The following SHTN1 variants were observed in gnomAD, a reference collection of about 807,000 sequenced individuals.
The protein encoded by SHTN1 is shootin 1, also known as shootin-1.
SHTN1 carries 42 observed loss-of-function variants against 83.1 expected under a neutral mutation model. The ratio of observed to expected loss-of-function variants is 0.51; its 90% CI spans 0.39 to 0.65. The LOEUF is 0.65. SHTN1 is among the 30% of genes least tolerant of loss of function. The pLI, the probability that SHTN1 is intolerant of heterozygous loss-of-function variation, is 0.00. For synonymous variants in SHTN1, 224 were observed against 247.7 expected, an observed-to-expected ratio of 0.90 and a Z score of 0.90; for missense variants, 622 against 737.8, an observed-to-expected ratio of 0.84 and a Z score of 1.82.
rs138899363 is a variant in SHTN1 at position 116,968,296 on chromosome 10, C to T, written c.172+356G>A. ...AGACTGCAAAACTGAATTTAAAACA[C>T]GATTACATTTTTTACTACACAAATA... On this transcript the variant is annotated intron_variant, in intron 3 of 16. Transcript: ENST00000355371. Among the ~76,000 whole-genome samples the T allele has an allele frequency of 1.7e-3, 253 of 152,254 alleles. 2 individuals are homozygous for T. The highest frequency in any genetic ancestry group is 2.9e-3 in the Admixed American group (45 of 15,284).
At chr10:116,900,619 T>A (rs1459736247) in intron 16 of SHTN1, 1 of 1,526,450 alleles carries the variant, frequency 6.6e-7, no homozygotes, top group African/African-American at 1.4e-5. Context: ...CTCAGCCAAA[T>A]TGCTTTTGTG....
intron 12 of SHTN1, 26 bp downstream of exon 12, chr10:116,921,408 C>T (rs370411664): frequency 6.4e-7 from 1 of 1,563,726 alleles, no homozygotes; most frequent in Non-Finnish European, 8.8e-7. Context: ...CCATCAACCA[C>T]TTACACCAAT....
intron 2 of SHTN1, among the ~76,000 whole-genome samples, chr10:116,971,291 G>A (rs1360930285): frequency 1.3e-5 from 2 of 152,112 alleles, no homozygotes; most frequent in East Asian, 3.8e-4. Context: ...CTTTGATTAA[G>A]GTTTCCCGTG....
intron 1 of SHTN1, among the ~76,000 whole-genome samples, chr10:117,094,536 TG>T (rs1853480066): frequency 6.6e-6 from 1 of 152,176 alleles, no homozygotes; most frequent in African/African-American, 2.4e-5. Flanking sequence ...TTAGAACACT[TG>T]GGTCAGTTGT....
chr10:116,911,576 C>T (rs1012897650), intron 14 of SHTN1: 1 of 1,550,874 alleles, frequency 6.4e-7, no homozygotes, highest in Non-Finnish European at 8.7e-7. Context: ...AGTGTAACCA[C>T]TCTTTTAGAA....
At chr10:117,059,038 G>T (rs7094283) in intron 1 of SHTN1, among the ~76,000 whole-genome samples, 96,904 of 152,002 alleles carry the variant, frequency 0.64, 35,447 homozygotes, top group Middle Eastern at 0.84. Context: ...AAGCTGAAAA[G>T]AGTTATAGAA....
chr10:117,091,861 C>G (rs1853434976), intron 1 of SHTN1, among the ~76,000 whole-genome samples: 1 of 152,128 alleles, frequency 6.6e-6, no homozygotes, highest in African/African-American at 2.4e-5. Flanking sequence ...GAGCCTAGTT[C>G]CCTTACTACA....
chr10:117,091,951 G>GA, intron 1 of SHTN1, among the ~76,000 whole-genome samples: 1 of 152,314 alleles, frequency 6.6e-6, no homozygotes. Context: ...ACTGCCATGT[G>GA]TCAAGTGATC....
intron 2 of SHTN1, among the ~76,000 whole-genome samples, chr10:116,972,839 G>C (rs1850665807): frequency 6.6e-6 from 1 of 152,194 alleles, no homozygotes; most frequent in South Asian, 2.1e-4. Context: ...ATCGACTCTA[G>C]AGTCTCTATT....
chr10:117,067,733 GAAAAA>G (rs1049925290), intron 1 of SHTN1, among the ~76,000 whole-genome samples: 1 of 152,134 alleles, frequency 6.6e-6, no homozygotes, highest in African/African-American at 2.4e-5. Context: ...CAATCCAAGG[GAAAAA>G]TGACTTAAAC....
chr10:116,944,819 A>G, intron 8 of SHTN1, 105 bp downstream of exon 8: 1 of 722,020 alleles, frequency 1.4e-6, no homozygotes, highest in South Asian at 1.6e-5. Context: ...TGAATCAGGG[A>G]GTCGGAGGTT....
intron 2 of SHTN1, among the ~76,000 whole-genome samples, chr10:117,015,262 C>G (rs1395195558): frequency 6.6e-6 from 1 of 152,152 alleles, no homozygotes; most frequent in African/African-American, 2.4e-5. Flanking sequence ...TGGACTCTGG[C>G]TCTGCTGACA....
In SHTN1 at chr10:117,053,019, C is replaced by CAAAAAAAAAA. The variant is rs57069034; in HGVS notation, c.-188-4519_-188-4510dup. Among the ~76,000 whole-genome samples, 55 of 11,478 alleles carry CAAAAAAAAAA rather than the reference C, an allele frequency of 4.8e-3. 16 individuals are homozygous for CAAAAAAAAAA. Among genetic ancestry groups the CAAAAAAAAAA allele is most frequent in the Non-Finnish European group, 0.026 (42 of 1,634 alleles). 7.5% of individuals were successfully genotyped at this position (11,478 alleles called of 152,430 possible). A position where few individuals can be genotyped will look rare whatever the true frequency, so the allele number is the denominator to read the frequency against. On this transcript the variant is annotated intron_variant, in intron 1 of 17. Transcript: ENST00000392901. Reference sequence around the variant, plus strand: ...TGGGCAACAGAGCAAGACTGTGTCTCAAAAAAAAAAAGAATTAAGAATTAA... The same window carrying CAAAAAAAAAA: ...TGGGCAACAGAGCAAGACTGTGTCTCAAAAAAAAAAAAAAAAAAAAAGAATTAAGAATTAA...
In SHTN1 at chr10:116,906,669, T is replaced by G. The variant is rs1847983120; in HGVS notation, c.1438A>C (p.Ile480Leu). The change falls in exon 15 of 17, where the codon ATT becomes CTT. Residue 480 changes from isoleucine (I) to leucine (L), a missense_variant. Physicochemically the swap from Ile to Leu is conservative, Grantham distance 5. Transcript: ENST00000355371. ...PENSETELER[I>L]LRRRKVTAEA... ...GCTGTCACCTTTCTGCGACGCAAAA[T>G]CCTTTCTAACTCAGTTTCACTGTTT... The G allele has an allele frequency of 6.2e-7, 1 of 1,613,512 alleles. No individual in the cohort carries two copies. Among genetic ancestry groups the G allele is most frequent in the Non-Finnish European group, 8.5e-7 (1 of 1,179,672 alleles).
chr10:117,036,828 A>AC (rs1852504795), intron 2 of SHTN1, among the ~76,000 whole-genome samples: 1 of 152,176 alleles, frequency 6.6e-6, no homozygotes, highest in East Asian at 1.9e-4. Flanking sequence ...GGGGATGGAT[A>AC]CCCCATGTTA....
chr10:117,048,981 G>A lies in SHTN1; in HGVS notation c.-188-471C>T, dbSNP rs545621537. Among the ~76,000 whole-genome samples the A allele has an allele frequency of 1.4e-4, 22 of 152,196 alleles. No homozygotes were observed. The Middle Eastern group carries it at 0.02, about 141-fold the overall frequency. ...AACTGGGCAAGTAACCTAGCCTTTC[G>A]GAGTCTCAATTGGTTCATCTGTCAA... On this transcript the variant is annotated intron_variant, in intron 1 of 17. Transcript: ENST00000392901.
intron 16 of SHTN1, among the ~76,000 whole-genome samples, chr10:116,898,218 C>T (rs920395793): frequency 2.6e-5 from 4 of 151,852 alleles, no homozygotes; most frequent in African/African-American, 9.7e-5. Flanking sequence ...ATCACAGCTA[C>T]TCGGGAGGCT....
intron 6 of SHTN1, among the ~76,000 whole-genome samples, chr10:116,950,617 CA>C (rs1849742656): frequency 6.6e-6 from 1 of 152,160 alleles, no homozygotes; most frequent in Non-Finnish European, 1.5e-5. Context: ...CACTAAGAAA[CA>C]AAGATAATGG....
At chr10:117,065,806 A>G (rs1318335921) in intron 1 of SHTN1, among the ~76,000 whole-genome samples, 34 of 57,046 alleles carry the variant, frequency 6.0e-4, no homozygotes, top group Non-Finnish European at 7.3e-4. Flanking sequence ...GGAAGGAAGG[A>G]AGGAAGGAAG....
Sources: allele counts gnomAD v4.1 joint callset (sites outside exome capture counted in the v4.1 genomes callset), GRCh38; gene constraint gnomAD v4.1.1; transcripts MANE v1.5; gene names NCBI Gene and HGNC (gene_info 2026-07-23, HGNC 2026-07-21).